The following PCDHA5 variants were observed in gnomAD, a reference collection of about 807,000 sequenced individuals.
PCDHA5 encodes the protein protocadherin alpha-5.
Under a neutral mutation model 61.6 loss-of-function variants are expected in PCDHA5, and 43 were observed. That is an observed-to-expected ratio of 0.70 (90% CI 0.55 to 0.90). PCDHA5 has a LOEUF of 0.90. Among genes scored for constraint, PCDHA5 ranks in the 40% least tolerant of loss-of-function variants. The pLI is 0.00. For synonymous variants in PCDHA5, 627 were observed against 543.9 expected, an observed-to-expected ratio of 1.15 and a Z score of -2.13; for missense variants, 1,298 against 1,222.7, an observed-to-expected ratio of 1.06 and a Z score of -0.92.
At chr5:140,928,808 G>A (rs782344407) in intron 1 of PCDHA5, 3 of 1,614,062 alleles carry the variant, frequency 1.9e-6, no homozygotes, top group Non-Finnish European at 2.5e-6. Flanking sequence ...GTAGTGGTTC[G>A]GGACCATGGA....
At chr5:140,851,779 T>A in intron 1 of PCDHA5, 1 of 965,446 alleles carries the variant, frequency 1.0e-6, no homozygotes, top group South Asian at 4.8e-5. Flanking sequence ...TGAATTTAGA[T>A]GAGAATTCAC....
chr5:140,869,508 C>G, intron 1 of PCDHA5: 1 of 1,614,196 alleles, frequency 6.2e-7, no homozygotes. Context: ...TGTTCTCGCT[C>G]AGAGAACAAA....
At chr5:140,879,743 C>A (rs553188333) in intron 1 of PCDHA5, among the ~76,000 whole-genome samples, 2 of 152,274 alleles carry the variant, frequency 1.3e-5, no homozygotes, top group South Asian at 2.1e-4. Context: ...AAGGTGTTGT[C>A]AAGGCTATAC....
At chr5:140,841,187 C>T in intron 1 of PCDHA5, 1 of 1,214,566 alleles carries the variant, frequency 8.2e-7, no homozygotes, top group South Asian at 1.6e-5. Context: ...TGTTCAAAGT[C>T]TTTTCTCTGA....
intron 1 of PCDHA5, chr5:140,860,693 G>C (rs2046523245): frequency 6.6e-6 from 1 of 152,204 alleles, no homozygotes; most frequent in Non-Finnish European, 1.5e-5. Context: ...TTGAGCGACA[G>C]GATATTGTTG....
At chr5:140,851,995 T>C in intron 1 of PCDHA5, 2 of 976,422 alleles carry the variant, frequency 2.0e-6, no homozygotes, top group South Asian at 4.8e-5. Context: ...GCTATTTGTT[T>C]GTTTTCTAAT....
rs781974273 is a variant in PCDHA5, at chr5:140,871,561, T to TC, written c.2352+47435dup. 4.7e-6 allele frequency: 7 copies of TC among 1,485,828 alleles called. No homozygotes were observed. In the African/African-American group the frequency reaches 9.9e-5, roughly 21 times the overall value. 92.0% of individuals were successfully genotyped at this position (1,485,828 alleles called of 1,614,324 possible). ...AAATTATTTAAAATCCAGTTTTTTT[T>TC]CACGGATTTTTTAAGGGAAAGTTTT... is the stretch of plus-strand genomic sequence containing the variant. On this transcript the variant is annotated intron_variant, in intron 1 of 3. Coordinates refer to ENST00000529859, the MANE Select transcript of PCDHA5 (RefSeq NM_018908.3).
chr5:140,977,314 C>T (rs905353961), intron 1 of PCDHA5, among the ~76,000 whole-genome samples: 1 of 152,152 alleles, frequency 6.6e-6, no homozygotes, highest in Non-Finnish European at 1.5e-5. Context: ...AACGATAGTG[C>T]TCCTGATGGC....
chr5:140,913,178 A>G (rs2076245523), intron 1 of PCDHA5, among the ~76,000 whole-genome samples: 1 of 152,156 alleles, frequency 6.6e-6, no homozygotes, highest in African/African-American at 2.4e-5. Context: ...TCTTCTTTAA[A>G]TGTTTGGTAG....
In PCDHA5 at chr5:140,851,551, T is replaced by C; in HGVS notation, c.2352+27424T>C. Reference sequence around the variant, plus strand: ...GACAATGTAGATAATTCAAGAAATGTTGACTGAAATTTTGTCTACACTTAG... The same window carrying C: ...GACAATGTAGATAATTCAAGAAATGCTGACTGAAATTTTGTCTACACTTAG... On this transcript the variant is annotated intron_variant, in intron 1 of 3. Coordinates refer to ENST00000529859, the MANE Select transcript of PCDHA5 (RefSeq NM_018908.3). The C allele has an allele frequency of 5.5e-6, 5 of 908,010 alleles. No individual in the cohort carries two copies. In the South Asian group the frequency reaches 2.0e-4, roughly 36 times the overall value. The allele number at this position is 908,010 out of a possible 1,614,324, so 56.2% of individuals were successfully genotyped here. A position where few individuals can be genotyped will look rare whatever the true frequency, so the allele number is the denominator to read the frequency against.
chr5:140,933,377 C>A lies in PCDHA5; in HGVS notation c.2353-45572C>A, dbSNP rs910236493. Among the ~76,000 whole-genome samples the A allele has an allele frequency of 3.9e-5, 6 of 151,980 alleles. No homozygotes were observed. In the South Asian group the frequency reaches 1.2e-3, roughly 31 times the overall value. On this transcript the variant is annotated intron_variant, in intron 1 of 3. Transcript: ENST00000529859. ...TTCTAACCCATCCCAAATTCCTTGG[C>A]TGTTCCTAGAGCCATCTGGTTACCA...
chr5:140,946,156 T>G (rs138161459), intron 1 of PCDHA5, among the ~76,000 whole-genome samples: 1 of 151,944 alleles, frequency 6.6e-6, no homozygotes, highest in Non-Finnish European at 1.5e-5. Flanking sequence ...TAACACGATT[T>G]AAAAGATGGG....
At chr5:140,924,902 A>T (rs1484044152) in intron 1 of PCDHA5, among the ~76,000 whole-genome samples, 1 of 39,026 alleles carries the variant, frequency 2.6e-5, no homozygotes, top group African/African-American at 7.6e-5. Context: ...CTCAAAAAAA[A>T]AAATAAAATA....
chr5:140,857,687 A>C, intron 1 of PCDHA5: 1 of 1,597,130 alleles, frequency 6.3e-7, no homozygotes, highest in South Asian at 1.1e-5. Context: ...TCTGGGCAGC[A>C]ACTTGACGCT....
chr5:140,863,936 G>A (rs1554158535), intron 1 of PCDHA5: 2 of 160,752 alleles, frequency 1.2e-5, no homozygotes, highest in African/African-American at 4.8e-5. Context: ...AGGAGGCAGA[G>A]GTTGCGGTGA....
At chr5:140,929,191 A>G in intron 1 of PCDHA5, 1 of 1,614,118 alleles carries the variant, frequency 6.2e-7, no homozygotes, top group Non-Finnish European at 8.5e-7. Flanking sequence ...TTCTGATAAT[A>G]ACAGTTTGCT....
At chr5:140,954,577 A>T (rs1426426958) in intron 1 of PCDHA5, among the ~76,000 whole-genome samples, 2 of 151,954 alleles carry the variant, frequency 1.3e-5, no homozygotes, top group Non-Finnish European at 1.5e-5. Flanking sequence ...TTCTTTTCAG[A>T]AGTGTCTGTT....
intron 1 of PCDHA5, chr5:140,927,524 C>G (rs781824669): frequency 1.2e-6 from 2 of 1,614,104 alleles, no homozygotes; most frequent in Admixed American, 1.7e-5. Flanking sequence ...GGCGGGCTAC[C>G]TGCCCGCTCA....
intron 1 of PCDHA5, among the ~76,000 whole-genome samples, chr5:140,938,157 G>C (rs532966795): frequency 6.6e-6 from 1 of 152,022 alleles, no homozygotes; most frequent in African/African-American, 2.4e-5. Context: ...CATTGCCCAG[G>C]CTAGTCTGGA....
Sources: gnomAD v4.1 joint callset for allele counts (sites outside exome capture counted in the v4.1 genomes callset) on GRCh38, gnomAD v4.1.1 for gene constraint, MANE v1.5 for transcripts, NCBI Gene and HGNC (gene_info 2026-07-23, HGNC 2026-07-21) for gene names.